CCDC68: variants seen among roughly 807,000 people sequenced by gnomAD.
CCDC68 encodes coiled-coil domain containing 68, also known as coiled-coil domain-containing protein 68.
In CCDC68, 45 loss-of-function variants were observed where a neutral mutation model predicts 47.1. That is an observed-to-expected ratio of 0.96 (90% CI 0.75 to 1.23). CCDC68 has a LOEUF of 1.23. Ranked by LOEUF, CCDC68 falls within the 50% of genes most tolerant of loss-of-function variation. CCDC68 has a pLI of 0.00. For missense variants in CCDC68, 353 were observed against 373.6 expected (o/e 0.94, Z 0.45); for synonymous variants, 131 against 129.5 (o/e 1.01, Z -0.08).
intron 1 of CCDC68, among the ~76,000 whole-genome samples, chr18:54,952,487 A>G (rs986805184): frequency 2.6e-5 from 4 of 152,218 alleles, no homozygotes; most frequent in African/African-American, 9.6e-5. Flanking sequence ...GAACAGTTGG[A>G]ACTCCTGTCT....
At chr18:54,950,788 G>GTGTATATATATATATATA (rs994670303) in intron 1 of CCDC68, among the ~76,000 whole-genome samples, 8 of 97,336 alleles carry the variant, frequency 8.2e-5, no homozygotes, top group African/African-American at 2.7e-4. Context: ...TATCTTCAGT[G>GTGTATATATATATATATA]TATATATATA....
intron 10 of CCDC68, among the ~76,000 whole-genome samples, chr18:54,913,180 G>A (rs1206232741): frequency 6.6e-6 from 1 of 152,162 alleles, no homozygotes. Context: ...TTTGTCACTT[G>A]CAAAATGTAG....
rs562977791 is a variant in CCDC68 at position 54,933,244 on chromosome 18, G to A, written c.600+1576C>T. Among the ~76,000 whole-genome samples the A allele has an allele frequency of 9.1e-4, 138 of 152,230 alleles. 1 individual carries two copies. Among genetic ancestry groups the A allele is most frequent in the African/African-American group, 3.1e-3 (128 of 41,546 alleles). On this transcript the variant is annotated intron_variant, in intron 7 of 11. Transcript: ENST00000591504. ...CTAAAGGTGCGTGCCACCATGCCCAGCTAATTTTTGTATTTTTAGTAGAGA... is the reference window on the plus strand; with the variant it reads ...CTAAAGGTGCGTGCCACCATGCCCAACTAATTTTTGTATTTTTAGTAGAGA...
At chr18:54,914,102 C>G (rs987797164) in intron 10 of CCDC68, among the ~76,000 whole-genome samples, 2 of 152,056 alleles carry the variant, frequency 1.3e-5, no homozygotes, top group African/African-American at 4.8e-5. Flanking sequence ...AGCCACATAC[C>G]CAGCACTTAG....
rs547089104 is a variant in CCDC68, at chr18:54,902,231, G to A, written c.*2127C>T. 2.0e-5 allele frequency: 3 copies of A among 152,268 alleles called. No homozygotes were observed. The South Asian group carries it at 6.2e-4, about 32-fold the overall frequency. The allele number at this position is 152,268 out of a possible 1,614,324, so 9.4% of individuals were successfully genotyped here. A position where few individuals can be genotyped will look rare whatever the true frequency, so the allele number is the denominator to read the frequency against. On this transcript the variant is annotated 3_prime_UTR_variant, in exon 12 of 12. Transcript: ENST00000591504. Reference sequence around the variant, plus strand: ...CCACTGTATTTCCATGTTCAAAAATGAGTATAGTGAAATCAAAATAAAAAC... The same window carrying A: ...CCACTGTATTTCCATGTTCAAAAATAAGTATAGTGAAATCAAAATAAAAAC...
At chr18:54,951,033 CG>C (rs1240550499) in intron 1 of CCDC68, among the ~76,000 whole-genome samples, 1 of 147,388 alleles carries the variant, frequency 6.8e-6, no homozygotes, top group Non-Finnish European at 1.5e-5. Flanking sequence ...CTCAGCCTCC[CG>C]AGTAGCTGGG....
intron 6 of CCDC68, among the ~76,000 whole-genome samples, chr18:54,935,238 G>A (rs1354307116): frequency 5.3e-5 from 8 of 152,206 alleles, no homozygotes; most frequent in Non-Finnish European, 2.9e-5. Flanking sequence ...TTTAACGAAA[G>A]CAACATTTTT....
intron 1 of CCDC68, among the ~76,000 whole-genome samples, chr18:54,947,770 G>C (rs2044550576): frequency 6.6e-6 from 1 of 152,176 alleles, no homozygotes; most frequent in Non-Finnish European, 1.5e-5. Context: ...CAGGAAAGAA[G>C]CAGGTTATAT....
chr18:54,930,563 T>G (rs1274963286), intron 7 of CCDC68, among the ~76,000 whole-genome samples: 1 of 151,666 alleles, frequency 6.6e-6, no homozygotes, highest in African/African-American at 2.4e-5. Flanking sequence ...GTTCAAATTA[T>G]TTCTGAAGGA....
intron 10 of CCDC68, among the ~76,000 whole-genome samples, chr18:54,911,804 G>C (rs755121136): frequency 1.3e-4 from 20 of 152,156 alleles, no homozygotes; most frequent in Non-Finnish European, 2.1e-4. Context: ...TAAGCTCCCA[G>C]TTTCTCGACC....
intron 8 of CCDC68, among the ~76,000 whole-genome samples, chr18:54,926,077 C>T (rs2044140588): frequency 6.6e-6 from 1 of 152,146 alleles, no homozygotes; most frequent in Non-Finnish European, 1.5e-5. Context: ...GACATGCAAC[C>T]TCAGCTTCAA....
intron 8 of CCDC68, among the ~76,000 whole-genome samples, chr18:54,927,842 T>C (rs112712440): frequency 1.3e-5 from 2 of 151,876 alleles, no homozygotes; most frequent in African/African-American, 4.8e-5. Flanking sequence ...AAATGCAGGA[T>C]TACAAGCCAG....
chr18:54,932,225 C>A (rs2044276617), intron 7 of CCDC68, among the ~76,000 whole-genome samples: 1 of 149,894 alleles, frequency 6.7e-6, no homozygotes, highest in South Asian at 2.1e-4. Flanking sequence ...TGCTGTATCA[C>A]CCAGGCTGAA....
Position 54,938,105 on chromosome 18 carries a change from G to C in CCDC68, c.205-8C>G. ...TTGAAGGTTTCCACAGTGCTGAAAC[G>C]GACAAATGAAAATCATAGACCTGAC... is the stretch of plus-strand genomic sequence containing the variant. On this transcript the variant is annotated splice_polypyrimidine_tract_variant and splice_region_variant and intron_variant, in intron 4 of 11. Coordinates refer to ENST00000591504, the MANE Select transcript of CCDC68 (RefSeq NM_025214.3). 1.2e-6 allele frequency: 2 copies of C among 1,602,336 alleles called. No individual in the cohort carries two copies. The highest frequency in any genetic ancestry group is 1.7e-6 in the Non-Finnish European group (2 of 1,176,260).
intron 5 of CCDC68, 90 bp from the exon 6 acceptor site, chr18:54,937,048 G>T (rs1409961849): frequency 2.6e-5 from 32 of 1,222,700 alleles, no homozygotes; most frequent in Non-Finnish European, 3.2e-5. Context: ...GAACACCAAA[G>T]GTATAACTAT....
chr18:54,909,159 C>T (rs1914190627), intron 10 of CCDC68, among the ~76,000 whole-genome samples: 1 of 152,052 alleles, frequency 6.6e-6, no homozygotes, highest in Non-Finnish European at 1.5e-5. Context: ...TTTCACTTCC[C>T]AGATCTGGAA....
intron 10 of CCDC68, among the ~76,000 whole-genome samples, chr18:54,912,379 T>C (rs943174500): frequency 6.6e-6 from 1 of 152,048 alleles, no homozygotes; most frequent in Non-Finnish European, 1.5e-5. Flanking sequence ...GAATTAAACA[T>C]TTTTTAAAAG....
intron 10 of CCDC68, among the ~76,000 whole-genome samples, chr18:54,908,807 C>T (rs1914164769): frequency 6.6e-6 from 1 of 152,056 alleles, no homozygotes; most frequent in African/African-American, 2.4e-5. Context: ...CACCTCCAAG[C>T]CTAAACCTGC....
intron 10 of CCDC68, among the ~76,000 whole-genome samples, 184 bp downstream of exon 10, chr18:54,917,729 C>A (rs2043979076): frequency 6.6e-6 from 1 of 151,996 alleles, no homozygotes; most frequent in Non-Finnish European, 1.5e-5. Flanking sequence ...CACACAGTCA[C>A]ACAGACACTC....
Sources: allele counts gnomAD v4.1 joint callset (sites outside exome capture counted in the v4.1 genomes callset), GRCh38; gene constraint gnomAD v4.1.1; transcripts MANE v1.5; gene names NCBI Gene and HGNC (gene_info 2026-07-23, HGNC 2026-07-21).